The following FBN2 variants were observed in gnomAD, a reference collection of about 807,000 sequenced individuals.
FBN2 encodes fibrillin 2, also known as fibrillin-2.
Under a neutral mutation model 355.6 loss-of-function variants are expected in FBN2, and 105 were observed. The observed-to-expected ratio is 0.30, with a 90% confidence interval of 0.25 to 0.35. FBN2 has a LOEUF of 0.35. Ranked by LOEUF, FBN2 falls within the 10% of genes least tolerant of loss-of-function variation. FBN2 has a pLI of 1.00. For missense variants in FBN2, 3,280 were observed against 3,758.7 expected (o/e 0.87, Z 3.33); for synonymous variants, 1,350 against 1,301.2 (o/e 1.04, Z -0.81).
At chr5:128,340,301 A>AGGG (rs1018531742) in intron 25 of FBN2, among the ~76,000 whole-genome samples, 1 of 152,118 alleles carries the variant, frequency 6.6e-6, no homozygotes, top group Non-Finnish European at 1.5e-5. Flanking sequence ...TTCTCTTGAG[A>AGGG]GGGGGGTCTC....
chr5:128,525,213 A>T (rs891785582), intron 4 of FBN2, among the ~76,000 whole-genome samples: 2 of 152,142 alleles, frequency 1.3e-5, no homozygotes, highest in African/African-American at 2.4e-5. Context: ...CAGTGATTCT[A>T]ATTTTCATTT....
intron 10 of FBN2, 85 bp downstream of exon 10, chr5:128,393,050 T>C: frequency 9.0e-7 from 1 of 1,117,066 alleles, no homozygotes; most frequent in Non-Finnish European, 1.4e-6. Context: ...CATACAACCC[T>C]TTTGAAAAAT....
chr5:128,388,078 C>T (rs192883221), intron 11 of FBN2, among the ~76,000 whole-genome samples: 14 of 152,094 alleles, frequency 9.2e-5, no homozygotes, highest in Non-Finnish European at 1.9e-4. Flanking sequence ...TTGCACTGAA[C>T]CTTTATTATT....
chr5:128,424,429 G>A (rs1246634803), intron 7 of FBN2, among the ~76,000 whole-genome samples: 1 of 152,138 alleles, frequency 6.6e-6, no homozygotes, highest in Admixed American at 6.6e-5. Flanking sequence ...GTTACCCAAG[G>A]AGAAGATAGA....
intron 7 of FBN2, among the ~76,000 whole-genome samples, chr5:128,443,512 G>T (rs1432724225): frequency 6.6e-6 from 1 of 152,084 alleles, no homozygotes. Flanking sequence ...TTCAAGGGTT[G>T]GAGTGAGATA....
chr5:128,473,304 TG>T (rs1754920874), intron 5 of FBN2, among the ~76,000 whole-genome samples: 1 of 152,248 alleles, frequency 6.6e-6, no homozygotes, highest in African/African-American at 2.4e-5. Flanking sequence ...ATTCATTTAA[TG>T]GGTAAAAACA....
intron 7 of FBN2, among the ~76,000 whole-genome samples, chr5:128,420,560 T>G (rs1462370289): frequency 2.0e-5 from 3 of 152,208 alleles, no homozygotes; most frequent in Non-Finnish European, 4.4e-5. Flanking sequence ...ATCAAAGGTA[T>G]TTTTTATAGA....
chr5:128,268,463 C>T (rs1204966192), intron 62 of FBN2, among the ~76,000 whole-genome samples: 1 of 152,166 alleles, frequency 6.6e-6, no homozygotes, highest in Admixed American at 6.5e-5. Flanking sequence ...GGAGCTGGTA[C>T]CATTCCTTCT....
chr5:128,278,674 T>C lies in FBN2; in HGVS notation c.7306A>G (p.Ile2436Val). Residue 2436 changes from isoleucine to valine, a missense_variant, in exon 57 of 65, where the codon ATA becomes GTA. Ile to Val is a conservative substitution (Grantham distance 29, BLOSUM62 3). This residue lies in a region of FBN2 where 2,284 missense variants were observed against 2,749.5 expected (regional missense o/e 0.83). Transcript: ENST00000262464. Reference sequence around the variant, plus strand: ...GTATATCCTGGGCCATGAGGACATATCTTTTTGTACTGGGCAGTTCCAGGA... The same window carrying C: ...GTATATCCTGGGCCATGAGGACATACCTTTTTGTACTGGGCAGTTCCAGGA... ...PLPGTAQYKK[I>V]CPHGPGYTTD... is the part of the protein sequence containing the mutation. The C allele has an allele frequency of 6.2e-7, 1 of 1,614,170 alleles. No homozygotes were observed. The highest frequency in any genetic ancestry group is 8.5e-7 in the Non-Finnish European group (1 of 1,180,012).
At chr5:128,449,731 C>A (rs571237992) in intron 6 of FBN2, among the ~76,000 whole-genome samples, 3 of 150,972 alleles carry the variant, frequency 2.0e-5, no homozygotes, top group Non-Finnish European at 4.4e-5. Flanking sequence ...GTCAGTGGTA[C>A]GAAAAATTCC....
chr5:128,430,135 C>T (rs1253583372), intron 7 of FBN2, among the ~76,000 whole-genome samples: 1 of 151,914 alleles, frequency 6.6e-6, no homozygotes, highest in African/African-American at 2.4e-5. Flanking sequence ...TAGGGCTTTG[C>T]CTTTAATTTA....
chr5:128,314,924 A>C (rs1183484015), intron 36 of FBN2, among the ~76,000 whole-genome samples: 1 of 152,050 alleles, frequency 6.6e-6, no homozygotes, highest in Non-Finnish European at 1.5e-5. Flanking sequence ...TTAAAAAAAA[A>C]CCCTCCTCTC....
Position 128,306,224 on chromosome 5 carries a change from C to A in FBN2, c.5423-276G>T, listed in dbSNP as rs32220. ...AACTTTCTAGGCAATCAAACCCCTT[C>A]TTCAGGTTACCCTAAGTGCTGCTAT... On this transcript the variant is annotated intron_variant, in intron 42 of 64. Transcript: ENST00000262464. Among the ~76,000 whole-genome samples, 14,335 of 152,244 alleles carry A rather than the reference C, an allele frequency of 0.094. 831 individuals are homozygous for A. Among genetic ancestry groups the A allele is most frequent in the Admixed American group, 0.14 (2,069 of 15,280 alleles).
intron 7 of FBN2, among the ~76,000 whole-genome samples, chr5:128,444,622 G>A (rs1289116930): frequency 6.6e-6 from 1 of 152,198 alleles, no homozygotes; most frequent in Non-Finnish European, 1.5e-5. Flanking sequence ...AGAAAGGCAC[G>A]ACTGGATTCA....
intron 11 of FBN2, among the ~76,000 whole-genome samples, chr5:128,385,106 C>T (rs1236227149): frequency 2.0e-5 from 3 of 152,044 alleles, no homozygotes; most frequent in Non-Finnish European, 2.9e-5. Flanking sequence ...AGGTTTATTA[C>T]ATGGGAAAAT....
In FBN2 at chr5:128,258,936, T is replaced by C. The variant is rs528516473; in HGVS notation, c.*519A>G. The C allele has an allele frequency of 8.8e-5, 14 of 159,870 alleles. No homozygotes were observed. The highest frequency in any genetic ancestry group is 2.9e-4 in the African/African-American group (12 of 41,596). The allele number at this position is 159,870 out of a possible 1,614,324, so 9.9% of individuals were successfully genotyped here. On this transcript the variant is annotated 3_prime_UTR_variant, in exon 65 of 65. Transcript: ENST00000262464. ...CCAAAGGAAACATCTCTTGTATCTATTGGATTTTTAAAAAGCACCTCTAAA... is the reference window on the plus strand; with the variant it reads ...CCAAAGGAAACATCTCTTGTATCTACTGGATTTTTAAAAAGCACCTCTAAA...
chr5:128,500,569 C>G (rs1407267901), intron 5 of FBN2, among the ~76,000 whole-genome samples: 2 of 150,816 alleles, frequency 1.3e-5, no homozygotes, highest in East Asian at 2.0e-4. Context: ...CAGCCTCTCT[C>G]GAGTAGCTGG....
At chr5:128,317,446 A>G (rs455654) in intron 36 of FBN2, among the ~76,000 whole-genome samples, 73,504 of 151,510 alleles carry the variant, frequency 0.49, 18,380 homozygotes, top group East Asian at 0.8. Context: ...TATAAATCAC[A>G]GCAGCAAATA....
chr5:128,260,628 T>C (rs1202277372), intron 64 of FBN2, among the ~76,000 whole-genome samples: 1 of 152,256 alleles, frequency 6.6e-6, no homozygotes, highest in Non-Finnish European at 1.5e-5. Context: ...TCTGGATTTG[T>C]AGTTTGGGAA....
Sources: allele counts gnomAD v4.1 joint callset (sites outside exome capture counted in the v4.1 genomes callset), GRCh38; gene constraint gnomAD v4.1.1; regional missense constraint gnomAD v4.1.1; transcripts MANE v1.5; gene names NCBI Gene and HGNC (gene_info 2026-07-23, HGNC 2026-07-21).